Variants in ARL14EP observed in about 807,000 individuals in gnomAD.
ARL14EP encodes ARL14 effector protein.
A neutral mutation model predicts 23.1 loss-of-function variants in ARL14EP; 12 were observed. The observed-to-expected ratio is 0.52, with a 90% CI of 0.33 to 0.84. The LOEUF is 0.84. Ranked by LOEUF, ARL14EP falls within the 40% of genes least tolerant of loss-of-function variation. ARL14EP has a pLI of 0.02. For missense variants in ARL14EP, 253 were observed against 307.3 expected, an observed-to-expected ratio of 0.82 and a Z score of 1.32; for synonymous variants, 97 against 102.0, an observed-to-expected ratio of 0.95 and a Z score of 0.29.
intron 3 of ARL14EP, among the ~76,000 whole-genome samples, chr11:30,335,163 G>A (rs1219280874): frequency 5.3e-5 from 8 of 152,152 alleles, no homozygotes; most frequent in Admixed American, 4.6e-4. Flanking sequence ...CAGACGTGGT[G>A]GAAATAGCAA....
In ARL14EP at chr11:30,336,552, T is replaced by C. The variant is rs781749840; in HGVS notation, c.555-15T>C. The C allele has an allele frequency of 3.8e-6, 6 of 1,574,096 alleles. No homozygotes were observed. The South Asian group carries it at 6.6e-5, about 17-fold the overall frequency. On this transcript the variant is annotated splice_polypyrimidine_tract_variant and intron_variant, in intron 3 of 3. Coordinates refer to ENST00000282032, the MANE Select transcript of ARL14EP (RefSeq NM_152316.3). ...CATATTTATGAGGTATAATTCATTG[T>C]GTTTTATTTTACAGACAAGTGATAC... is the stretch of plus-strand genomic sequence containing the variant.
rs751137973 is a variant in ARL14EP at position 30,336,663 on chromosome 11, A to G, written c.651A>G (p.Leu217=). The G allele has an allele frequency of 1.9e-6, 3 of 1,614,188 alleles. No homozygotes were observed. The highest frequency in any genetic ancestry group is 4.5e-5 in the East Asian group (2 of 44,878). ...DLCDCLDEDC[L]GCFYACPACG... ...GTGACTGCCTGGATGAAGACTGCTT[A>G]GGATGTTTCTATGCTTGTCCTGCCT... The change falls in exon 4 of 4, where the codon TTA becomes TTG. Residue 217 remains leucine (L), a synonymous_variant. Transcript: ENST00000282032.
At chr11:30,324,759 C>T (rs543882286) in intron 1 of ARL14EP, among the ~76,000 whole-genome samples, 14 of 152,208 alleles carry the variant, frequency 9.2e-5, no homozygotes, top group Non-Finnish European at 1.8e-4. Flanking sequence ...CCTGAGCTGG[C>T]AGCGTTCAAA....
chr11:30,337,968 A>C lies in ARL14EP; in HGVS notation c.*1173A>C, dbSNP rs1227504891. 1 of 152,230 alleles carries C rather than the reference A, an allele frequency of 6.6e-6. No individual in the cohort carries two copies. Among genetic ancestry groups the C allele is most frequent in the East Asian group, 1.9e-4 (1 of 5,200 alleles). 9.4% of individuals were successfully genotyped at this position (152,230 alleles called of 1,614,324 possible). ...TCTTAAGAGTTTTTAATATTTGAGC[A>C]GAACCTTAAAGGTCATGGAACAATC... On this transcript the variant is annotated 3_prime_UTR_variant, in exon 4 of 4. Transcript: ENST00000282032.
chr11:30,331,636 A>AG, intron 2 of ARL14EP: 1 of 1,310,436 alleles, frequency 7.6e-7, no homozygotes, highest in Non-Finnish European at 9.7e-7. Context: ...CGAAGACTTT[A>AG]GGAGTGGGTT....
At chr11:30,329,462 C>A (rs1017875729) in intron 1 of ARL14EP, 1 of 152,122 alleles carries the variant, frequency 6.6e-6, no homozygotes. Flanking sequence ...ACACCCAGAA[C>A]TGAAAAGAGC....
chr11:30,328,762 A>C (rs1251261233), intron 1 of ARL14EP: 3 of 151,998 alleles, frequency 2.0e-5, no homozygotes, highest in African/African-American at 7.2e-5. Context: ...CCATATCAAA[A>C]TGTGTTTAAG....
In ARL14EP at chr11:30,336,674, A is replaced by G. The variant is rs780825007; in HGVS notation, c.662A>G (p.Tyr221Cys). ...CLDEDCLGCFYACPACGSTKC... is the reference protein window; with the variant it reads ...CLDEDCLGCFCACPACGSTKC... ...GATGAAGACTGCTTAGGATGTTTCTATGCTTGTCCTGCCTGTGGTTCTACC... is the reference window on the plus strand; with the variant it reads ...GATGAAGACTGCTTAGGATGTTTCTGTGCTTGTCCTGCCTGTGGTTCTACC... The change falls in exon 4 of 4, where the codon TAT (tyrosine) becomes TGT (cysteine). Residue 221 changes from tyrosine (Y) to cysteine (C), a missense_variant. Coordinates refer to ENST00000282032, the MANE Select transcript of ARL14EP (RefSeq NM_152316.3). 1.2e-6 allele frequency: 2 copies of G among 1,614,130 alleles called. No individual in the cohort carries two copies. Among genetic ancestry groups the G allele is most frequent in the Non-Finnish European group, 1.7e-6 (2 of 1,180,024 alleles).
At position 30,336,834 on chromosome 11, in the gene ARL14EP, T is replaced by C; in HGVS notation, c.*39T>C. The C allele has an allele frequency of 6.5e-7, 1 of 1,540,848 alleles. No homozygotes were observed. The highest frequency in any genetic ancestry group is 9.0e-7 in the Non-Finnish European group (1 of 1,114,630). ...ACTATGGAGCCTTTAAAGGTCTTTA[T>C]TTCTAAAAATCTGTTACTCTAAGAT... On this transcript the variant is annotated 3_prime_UTR_variant, in exon 4 of 4. Transcript: ENST00000282032.
Position 30,330,955 on chromosome 11 carries a change from G to A in ARL14EP, c.7G>A (p.Asp3Asn), listed in dbSNP as rs900119766. The change falls in exon 2 of 4, where the codon GAT becomes AAT. Residue 3 changes from aspartate to asparagine, a missense_variant. Asp to Asn is a conservative substitution (Grantham distance 23). Coordinates refer to ENST00000282032, the MANE Select transcript of ARL14EP (RefSeq NM_152316.3). Reference protein sequence around the residue: MMDPCSVGVQLRT... With the variant: MMNPCSVGVQLRT... ...AAATTTGCTAGAATCAAGAATGATG[G>A]ATCCATGTTCAGTTGGAGTCCAGCT... 3 of 1,613,468 alleles carry A rather than the reference G, an allele frequency of 1.9e-6. No homozygotes were observed. In the African/African-American group the frequency reaches 4.0e-5, roughly 22 times the overall value.
intron 1 of ARL14EP, among the ~76,000 whole-genome samples, 199 bp downstream of exon 1, chr11:30,323,401 C>T (rs1472638258): frequency 6.6e-6 from 1 of 152,198 alleles, no homozygotes; most frequent in East Asian, 1.9e-4. Flanking sequence ...GACGCAACGC[C>T]TTGTGTCAAA....
chr11:30,334,772 A>G (rs1459917878), intron 3 of ARL14EP, among the ~76,000 whole-genome samples: 1 of 152,222 alleles, frequency 6.6e-6, no homozygotes, highest in East Asian at 1.9e-4. Flanking sequence ...TGTTCATTGA[A>G]TATTTTAAGC....
At chr11:30,334,443 T>C (rs1369825465) in intron 3 of ARL14EP, among the ~76,000 whole-genome samples, 1 of 152,184 alleles carries the variant, frequency 6.6e-6, no homozygotes, top group South Asian at 2.1e-4. Flanking sequence ...CTCGATCTCC[T>C]GCCCTCGTGA....
At chr11:30,332,795 AC>A in intron 2 of ARL14EP, 70 bp from the exon 3 acceptor site, 1 of 1,567,632 alleles carries the variant, frequency 6.4e-7, no homozygotes, top group Middle Eastern at 1.9e-4. Flanking sequence ...GTCTGGTTTA[AC>A]ATTAAATAAA....
In ARL14EP at chr11:30,336,966, A is replaced by G; in HGVS notation, c.*171A>G. 2 of 677,130 alleles carry G rather than the reference A, an allele frequency of 3.0e-6. No homozygotes were observed. The highest frequency in any genetic ancestry group is 5.1e-6 in the Non-Finnish European group (2 of 393,032). 41.9% of individuals were successfully genotyped at this position (677,130 alleles called of 1,614,324 possible). ...GATTCACTATTTGATATAAATTCAGATAGGCTATTTTTCAGTAGTCAGCGT... is the reference window on the plus strand; with the variant it reads ...GATTCACTATTTGATATAAATTCAGGTAGGCTATTTTTCAGTAGTCAGCGT... On this transcript the variant is annotated 3_prime_UTR_variant, in exon 4 of 4. Coordinates refer to ENST00000282032, the MANE Select transcript of ARL14EP (RefSeq NM_152316.3).
Position 30,331,761 on chromosome 11 carries a change from A to G in ARL14EP, c.426+387A>G, listed in dbSNP as rs940174384. 3.9e-6 allele frequency: 4 copies of G among 1,021,882 alleles called. No individual in the cohort carries two copies. In the African/African-American group the frequency reaches 6.9e-5, roughly 18 times the overall value. 63.3% of individuals were successfully genotyped at this position (1,021,882 alleles called of 1,614,324 possible). On this transcript the variant is annotated intron_variant, in intron 2 of 3. Coordinates refer to ENST00000282032, the MANE Select transcript of ARL14EP (RefSeq NM_152316.3). ...GCAGGATGACTTCGCCTTTATATGA[A>G]GGACTTGGAAATCACTGCTTTAAAA...
rs188868271 is a variant in ARL14EP at position 30,337,527 on chromosome 11, G to T, written c.*732G>T. ...AGAAGTCACTGACCATGGGAATGTT[G>T]TTCTTGCTGCTGTGTATTCATAGGA... On this transcript the variant is annotated 3_prime_UTR_variant, in exon 4 of 4. Coordinates refer to ENST00000282032, the MANE Select transcript of ARL14EP (RefSeq NM_152316.3). 5 of 152,312 alleles carry T rather than the reference G, an allele frequency of 3.3e-5. No homozygotes were observed. The highest frequency in any genetic ancestry group is 7.3e-5 in the Non-Finnish European group (5 of 68,096). The allele number at this position is 152,312 out of a possible 1,614,324, so 9.4% of individuals were successfully genotyped here.
intron 3 of ARL14EP, among the ~76,000 whole-genome samples, chr11:30,333,342 CTATT>C (rs1334081868): frequency 1.3e-5 from 2 of 151,802 alleles, no homozygotes; most frequent in African/African-American, 2.4e-5. Context: ...TTACAAGGTG[CTATT>C]TATTTTTACA....
intron 2 of ARL14EP, chr11:30,331,601 A>G (rs1590667971): frequency 7.2e-7 from 1 of 1,387,984 alleles, no homozygotes; most frequent in African/African-American, 1.5e-5. Flanking sequence ...AATATGCCTA[A>G]GACTCCAAGC....
Sources: gnomAD v4.1 joint callset for allele counts (sites outside exome capture counted in the v4.1 genomes callset) on GRCh38, gnomAD v4.1.1 for gene constraint, MANE v1.5 for transcripts, NCBI Gene and HGNC (gene_info 2026-07-23, HGNC 2026-07-21) for gene names.